AGBL1: variants seen among roughly 807,000 people sequenced by gnomAD.
AGBL1 encodes cytosolic carboxypeptidase 4.
A neutral mutation model predicts 118.9 loss-of-function variants in AGBL1; 130 were observed. The observed-to-expected ratio is 1.09, with a 90% CI of 0.95 to 1.26. The LOEUF (loss-of-function observed/expected upper bound fraction) is 1.26. AGBL1 is among the 50% of genes most tolerant of loss of function. The pLI, the probability that AGBL1 is intolerant of heterozygous loss-of-function variation, is 0.00. For synonymous variants in AGBL1, 555 were observed against 478.9 expected, an observed-to-expected ratio of 1.16 and a Z score of -2.08; for missense variants, 1,584 against 1,298.1, an observed-to-expected ratio of 1.22 and a Z score of -3.38.
rs866861599 is a variant in AGBL1 at position 86,212,473 on chromosome 15, G to T, written c.489-12441G>T. Among the ~76,000 whole-genome samples the T allele has an allele frequency of 3.9e-5, 6 of 152,148 alleles. No homozygotes were observed. In the East Asian group the frequency reaches 7.7e-4, roughly 20 times the overall value. ...CTGGGAAAGGGCCAAAGGGGAAAAG[G>T]CTTTCTAAAGAATGAGAGAAATTCC... is the stretch of plus-strand genomic sequence containing the variant. On this transcript the variant is annotated intron_variant, in intron 5 of 22. Transcript: ENST00000614907.
chr15:86,146,011 G>C (rs1282454526), intron 3 of AGBL1, among the ~76,000 whole-genome samples: 1 of 152,178 alleles, frequency 6.6e-6, no homozygotes, highest in Non-Finnish European at 1.5e-5. Flanking sequence ...GGACCACAGA[G>C]ACTTGATATA....
At chr15:86,355,644 A>G (rs1481369651) in intron 17 of AGBL1, among the ~76,000 whole-genome samples, 5 of 152,170 alleles carry the variant, frequency 3.3e-5, no homozygotes, top group South Asian at 4.1e-4. Context: ...ACATGCAGAT[A>G]TATAGTTGCC....
chr15:86,502,873 G>A (rs774971753), intron 18 of AGBL1, among the ~76,000 whole-genome samples: 1 of 151,410 alleles, frequency 6.6e-6, no homozygotes, highest in Non-Finnish European at 1.5e-5. Flanking sequence ...ACACTGTTCT[G>A]TAGCTTTTTT....
At chr15:86,831,108 T>C (rs1307372797) in intron 22 of AGBL1, among the ~76,000 whole-genome samples, 3 of 152,122 alleles carry the variant, frequency 2.0e-5, no homozygotes, top group Non-Finnish European at 4.4e-5. Context: ...CTCCTGAGAC[T>C]TATTCACTAC....
At chr15:86,585,724 T>C (rs1490133319) in intron 21 of AGBL1, among the ~76,000 whole-genome samples, 1 of 152,022 alleles carries the variant, frequency 6.6e-6, no homozygotes, top group East Asian at 1.9e-4. Flanking sequence ...AGAGAAAAAA[T>C]GGTTCAAGGA....
chr15:86,861,840 A>C (rs1375515676), intron 22 of AGBL1, among the ~76,000 whole-genome samples: 1 of 152,232 alleles, frequency 6.6e-6, no homozygotes, highest in Non-Finnish European at 1.5e-5. Context: ...TTTATCCACA[A>C]AGTCAAACCA....
rs117034080 is a variant in AGBL1 at position 86,485,947 on chromosome 15, C to T, written c.2556-36863C>T. On this transcript the variant is annotated intron_variant, in intron 18 of 22. Coordinates refer to ENST00000614907, the MANE Select transcript of AGBL1 (RefSeq NM_001386094.1). ...TCTCCTCCTCTTTTTAAACCCAATA[C>T]ATTAGACACTCAGAAAGGCAGGATT... 9.3e-4 allele frequency among the ~76,000 whole-genome samples: 141 copies of T among 152,082 alleles called. 4 individuals are homozygous for T. The East Asian group carries it at 0.025, about 27-fold the overall frequency.
intron 22 of AGBL1, among the ~76,000 whole-genome samples, chr15:86,695,391 G>A (rs909534444): frequency 1.3e-5 from 2 of 151,884 alleles, no homozygotes; most frequent in South Asian, 2.1e-4. Flanking sequence ...AAAGGTGTTC[G>A]TAGTAGCCCT....
At chr15:86,526,801 C>T (rs952051328) in intron 19 of AGBL1, among the ~76,000 whole-genome samples, 14 of 151,676 alleles carry the variant, frequency 9.2e-5, no homozygotes, top group African/African-American at 1.7e-4. Flanking sequence ...GGATAAGCTA[C>T]GGGTATGCAA....
chr15:86,346,392 G>A (rs1426177239), intron 17 of AGBL1, among the ~76,000 whole-genome samples: 4 of 151,380 alleles, frequency 2.6e-5, no homozygotes, highest in South Asian at 2.1e-4. Context: ...TGTTGCCCAG[G>A]CTGGGGTGCA....
At chr15:86,768,675 T>C (rs531754561) in intron 22 of AGBL1, among the ~76,000 whole-genome samples, 6 of 152,032 alleles carry the variant, frequency 3.9e-5, no homozygotes, top group Admixed American at 3.3e-4. Flanking sequence ...ATCTACCACA[T>C]TGCATTTTCT....
At chr15:86,516,001 G>T (rs930773329) in intron 18 of AGBL1, among the ~76,000 whole-genome samples, 1 of 152,106 alleles carries the variant, frequency 6.6e-6, no homozygotes, top group Non-Finnish European at 1.5e-5. Context: ...AACTCAAAGC[G>T]GGGGAGGGAG....
At chr15:86,872,850 T>G (rs2079749840) in intron 22 of AGBL1, among the ~76,000 whole-genome samples, 1 of 152,204 alleles carries the variant, frequency 6.6e-6, no homozygotes, top group Non-Finnish European at 1.5e-5. Context: ...CCTTTCCTTC[T>G]CAGAAATTCA....
intron 17 of AGBL1, among the ~76,000 whole-genome samples, chr15:86,350,831 C>A (rs7168270): frequency 0.059 from 8,980 of 152,280 alleles, 621 homozygotes; most frequent in African/African-American, 0.17. Context: ...TATACTCTGG[C>A]AGCTTCTCTG....
chr15:86,580,379 A>G (rs1317038521), intron 21 of AGBL1, among the ~76,000 whole-genome samples: 2 of 152,174 alleles, frequency 1.3e-5, no homozygotes, highest in Non-Finnish European at 2.9e-5. Context: ...GTATACATAT[A>G]TATATATTTC....
intron 6 of AGBL1, among the ~76,000 whole-genome samples, chr15:86,241,607 A>C (rs1034148524): frequency 6.6e-6 from 1 of 152,170 alleles, no homozygotes; most frequent in East Asian, 1.9e-4. Flanking sequence ...CTCACATAGC[A>C]GAAGGTGAAA....
intron 17 of AGBL1, among the ~76,000 whole-genome samples, chr15:86,341,602 T>C (rs2080462466): frequency 6.6e-6 from 1 of 152,202 alleles, no homozygotes; most frequent in African/African-American, 2.4e-5. Context: ...CCTCATGTCT[T>C]CATTCTTGCC....
At chr15:86,309,809 T>C (rs544086678) in intron 17 of AGBL1, among the ~76,000 whole-genome samples, 1 of 152,364 alleles carries the variant, frequency 6.6e-6, no homozygotes, top group East Asian at 1.9e-4. Flanking sequence ...GATGTTTTAA[T>C]GTGCTCTCAA....
At chr15:86,998,827 G>C (rs4632097) in intron 24 of AGBL1, among the ~76,000 whole-genome samples, 15,062 of 151,974 alleles carry the variant, frequency 0.099, 1,327 homozygotes, top group African/African-American at 0.23. Flanking sequence ...AGGTGACATG[G>C]AGCCAAGATT....
Sources: allele counts gnomAD v4.1 joint callset (sites outside exome capture counted in the v4.1 genomes callset), GRCh38; gene constraint gnomAD v4.1.1; transcripts MANE v1.5; gene names NCBI Gene and HGNC (gene_info 2026-07-23, HGNC 2026-07-21).